The following ADAMTSL1 variants were observed in gnomAD, a reference collection of about 807,000 sequenced individuals.
ADAMTSL1 encodes the protein ADAMTS like 1, also known as ADAMTS-like protein 1.
In ADAMTSL1, 126 loss-of-function variants were observed where a neutral mutation model predicts 201.8. The observed-to-expected ratio is 0.62, with a 90% confidence interval of 0.54 to 0.72. The LOEUF (loss-of-function observed/expected upper bound fraction) is 0.72, where lower values mean the gene tolerates loss of function less well. Among genes scored for constraint, ADAMTSL1 ranks in the 30% least tolerant of loss-of-function variants. The pLI is 0.00. For synonymous variants in ADAMTSL1, 1,121 were observed against 903.4 expected, an observed-to-expected ratio of 1.24 and a Z score of -4.32; for missense variants, 2,679 against 2,277.8, an observed-to-expected ratio of 1.18 and a Z score of -3.59.
chr9:18,384,370 A>T (rs1837696485), intron 2 of ADAMTSL1, among the ~76,000 whole-genome samples: 4 of 152,152 alleles, frequency 2.6e-5, no homozygotes, highest in Admixed American at 6.5e-5. Flanking sequence ...ATCACCTCTC[A>T]CCAGGTCCCT....
chr9:18,203,862 A>T (rs144642404), intron 2 of ADAMTSL1, among the ~76,000 whole-genome samples: 1 of 152,196 alleles, frequency 6.6e-6, no homozygotes, highest in Non-Finnish European at 1.5e-5. Flanking sequence ...CTAAAAGGAG[A>T]TTTTGTCCTA....
At chr9:17,922,483 T>G (rs1826344632) in intron 1 of ADAMTSL1, among the ~76,000 whole-genome samples, 1 of 152,150 alleles carries the variant, frequency 6.6e-6, no homozygotes, top group African/African-American at 2.4e-5. Flanking sequence ...TCAATAGGAC[T>G]AGGATGGGTT....
intron 1 of ADAMTSL1, among the ~76,000 whole-genome samples, chr9:17,907,557 C>G (rs1825766746): frequency 6.6e-6 from 1 of 152,152 alleles, no homozygotes; most frequent in Non-Finnish European, 1.5e-5. Context: ...TCCGAATCCT[C>G]CCAGGGTCTT....
chr9:18,372,462 T>A (rs574301514), intron 2 of ADAMTSL1, among the ~76,000 whole-genome samples: 12 of 152,160 alleles, frequency 7.9e-5, no homozygotes, highest in Admixed American at 2.0e-4. Context: ...AAGAATCATC[T>A]ACATTTCATA....
At chr9:18,617,128 T>C (rs564538515) in intron 4 of ADAMTSL1, among the ~76,000 whole-genome samples, 133 of 152,366 alleles carry the variant, frequency 8.7e-4, no homozygotes, top group Non-Finnish European at 1.6e-3. Context: ...TTGACATCAC[T>C]GGCTCAGTAT....
intron 1 of ADAMTSL1, among the ~76,000 whole-genome samples, chr9:18,128,618 T>A (rs1387971882): frequency 1.3e-5 from 2 of 152,140 alleles, no homozygotes; most frequent in African/African-American, 4.8e-5. Flanking sequence ...GCCCGACAGT[T>A]TGAACTATTG....
intron 23 of ADAMTSL1, among the ~76,000 whole-genome samples, chr9:18,858,822 G>T (rs1047147901): frequency 8.5e-5 from 13 of 152,208 alleles, no homozygotes; most frequent in South Asian, 2.1e-4. Flanking sequence ...TGGTTCAGGG[G>T]TATTTAACCT....
intron 3 of ADAMTSL1, among the ~76,000 whole-genome samples, chr9:18,548,739 A>G (rs1370399249): frequency 6.6e-6 from 1 of 152,108 alleles, no homozygotes; most frequent in Non-Finnish European, 1.5e-5. Flanking sequence ...AAACACATTA[A>G]GAAATAACAG....
intron 1 of ADAMTSL1, among the ~76,000 whole-genome samples, chr9:18,051,051 C>T (rs1436607225): frequency 6.6e-6 from 1 of 152,174 alleles, no homozygotes; most frequent in South Asian, 2.1e-4. Flanking sequence ...CCTGTAATCC[C>T]AGCACTTTGG....
intron 2 of ADAMTSL1, among the ~76,000 whole-genome samples, chr9:18,169,872 A>G (rs1217310506): frequency 6.6e-6 from 1 of 152,050 alleles, no homozygotes; most frequent in Non-Finnish European, 1.5e-5. Flanking sequence ...TGGAAGGGTC[A>G]GATGTTTTAA....
At chr9:18,684,267 C>G (rs895455890) in intron 12 of ADAMTSL1, among the ~76,000 whole-genome samples, 18 of 150,144 alleles carry the variant, frequency 1.2e-4, no homozygotes, top group Non-Finnish European at 2.1e-4. Flanking sequence ...TTGTTTTTGG[C>G]AATGTGACAT....
intron 15 of ADAMTSL1, among the ~76,000 whole-genome samples, chr9:18,722,752 C>A (rs1199396045): frequency 6.6e-6 from 1 of 152,154 alleles, no homozygotes; most frequent in Non-Finnish European, 1.5e-5. Context: ...GTTAAGAGGG[C>A]AACTCATGCT....
chr9:18,818,929 G>C (rs1228061223), intron 21 of ADAMTSL1, among the ~76,000 whole-genome samples: 2 of 152,088 alleles, frequency 1.3e-5, no homozygotes, highest in African/African-American at 4.8e-5. Context: ...AGTCCCTTCA[G>C]CCCCTGTACT....
chr9:18,884,518 A>AT (rs370119540), intron 23 of ADAMTSL1, among the ~76,000 whole-genome samples: 8 of 151,914 alleles, frequency 5.3e-5, no homozygotes, highest in South Asian at 4.2e-4. Flanking sequence ...TTCCCCTGCG[A>AT]TTTTTTTTAA....
At chr9:18,678,675 C>A (rs1201688303) in intron 10 of ADAMTSL1, among the ~76,000 whole-genome samples, 1 of 152,092 alleles carries the variant, frequency 6.6e-6, no homozygotes. Flanking sequence ...TCTTTTATAG[C>A]ATCTTAATAT....
intron 18 of ADAMTSL1, 107 bp downstream of exon 18, chr9:18,776,003 G>C: frequency 1.4e-6 from 2 of 1,412,532 alleles, no homozygotes; most frequent in Admixed American, 2.2e-5. Context: ...GGAAATAGTG[G>C]GACAGTAGAA....
At chr9:17,986,753 G>T (rs918967608) in intron 1 of ADAMTSL1, among the ~76,000 whole-genome samples, 2 of 152,040 alleles carry the variant, frequency 1.3e-5, no homozygotes, top group African/African-American at 4.8e-5. Context: ...TAAACTCCAG[G>T]TGTGTATGCA....
chr9:18,588,163 C>G (rs561389147), intron 4 of ADAMTSL1, among the ~76,000 whole-genome samples: 8 of 152,228 alleles, frequency 5.3e-5, no homozygotes, highest in African/African-American at 1.9e-4. Flanking sequence ...ATAATAGCCA[C>G]TCTGAGGCGA....
intron 4 of ADAMTSL1, among the ~76,000 whole-genome samples, chr9:18,595,995 T>A (rs761856320): frequency 4.6e-5 from 7 of 152,200 alleles, no homozygotes; most frequent in Non-Finnish European, 1.0e-4. Context: ...TGTGGATAGG[T>A]GCAGAATTGT....
Sources: gnomAD v4.1 joint callset for allele counts (sites outside exome capture counted in the v4.1 genomes callset) on GRCh38, gnomAD v4.1.1 for gene constraint, MANE v1.5 for transcripts, NCBI Gene and HGNC (gene_info 2026-07-23, HGNC 2026-07-21) for gene names.